Variants in VCF1 observed in about 807,000 individuals in gnomAD.
VCF1 encodes VCP nuclear cofactor family member 1, also known as protein VCF1.
the VCF1 span, among the ~76,000 whole-genome samples, chr17:73,221,706 T>C: frequency 1.3e-5 from 2 of 152,072 alleles, no homozygotes; most frequent in African/African-American, 4.8e-5. Flanking sequence ...CTGGACAACA[T>C]GAGGAGACCC....
the VCF1 span, among the ~76,000 whole-genome samples, chr17:73,216,480 C>T: frequency 6.6e-6 from 1 of 151,650 alleles, no homozygotes; most frequent in Non-Finnish European, 1.5e-5. Flanking sequence ...AGGTGACTGG[C>T]GGGAGGGAGA....
the VCF1 span, among the ~76,000 whole-genome samples, chr17:73,231,843 A>AG: frequency 2.0e-5 from 3 of 151,874 alleles, no homozygotes; most frequent in Non-Finnish European, 4.4e-5. Flanking sequence ...AGGAAAAGAC[A>AG]GGGGGGAAAA....
the VCF1 span, among the ~76,000 whole-genome samples, chr17:73,215,017 C>A: frequency 0.98 from 149,844 of 152,324 alleles, 73,743 homozygotes; most frequent in Middle Eastern, 1. Flanking sequence ...TGACACAATC[C>A]AAAGAGAATA....
At chr17:73,213,143 C>G in the VCF1 span, among the ~76,000 whole-genome samples, 3,853 of 151,772 alleles carry the variant, frequency 0.025, 177 homozygotes, top group African/African-American at 0.089. Context: ...GCTTGGGAGG[C>G]TGAGGCAGGA....
At chr17:73,217,276 C>A in the VCF1 span, among the ~76,000 whole-genome samples, 1 of 152,044 alleles carries the variant, frequency 6.6e-6, no homozygotes, top group African/African-American at 2.4e-5. Flanking sequence ...TCGCTTGAAC[C>A]CAGGAGATAG....
chr17:73,217,195 A>C, the VCF1 span, among the ~76,000 whole-genome samples: 1 of 151,920 alleles, frequency 6.6e-6, no homozygotes, highest in East Asian at 1.9e-4. Context: ...AAACAAAACA[A>C]AACAAAAATT....
At chr17:73,225,421 A>T in the VCF1 span, among the ~76,000 whole-genome samples, 1 of 152,110 alleles carries the variant, frequency 6.6e-6, no homozygotes, top group Non-Finnish European at 1.5e-5. Context: ...AGAAATGTTA[A>T]TTTTTTTAAA....
the VCF1 span, among the ~76,000 whole-genome samples, chr17:73,224,982 C>T: frequency 1.3e-3 from 195 of 150,424 alleles, no homozygotes; most frequent in Middle Eastern, 3.4e-3. Context: ...CAGCACAGCA[C>T]AGCACAGCAC....
At chr17:73,222,174 G>C in the VCF1 span, among the ~76,000 whole-genome samples, 3 of 146,678 alleles carry the variant, frequency 2.0e-5, no homozygotes, top group African/African-American at 5.1e-5. Context: ...CTCCTGCCTA[G>C]GCAACTGAGC....
the VCF1 span, among the ~76,000 whole-genome samples, chr17:73,219,355 A>C: frequency 2.0e-5 from 3 of 152,052 alleles, no homozygotes; most frequent in African/African-American, 7.2e-5. Flanking sequence ...TGGATCTTTT[A>C]AGAAATTAAT....
the VCF1 span, chr17:73,208,247 G>A: frequency 1.3e-4 from 208 of 1,609,468 alleles, 2 homozygotes; most frequent in South Asian, 1.8e-3. Flanking sequence ...GTGGCGTCGC[G>A]CGGAGGGCGA....
At chr17:73,216,232 C>T in the VCF1 span, among the ~76,000 whole-genome samples, 2 of 152,138 alleles carry the variant, frequency 1.3e-5, no homozygotes, top group Middle Eastern at 3.4e-3. Flanking sequence ...AAGGAGAACA[C>T]GCACCACCCC....
At chr17:73,229,517 T>C in the VCF1 span, 8 of 985,288 alleles carry the variant, frequency 8.1e-6, no homozygotes, top group Non-Finnish European at 8.4e-6. Context: ...CGTTGCATTA[T>C]TTCATTTCTC....
the VCF1 span, among the ~76,000 whole-genome samples, chr17:73,219,253 G>A: frequency 1.3e-5 from 2 of 149,550 alleles, no homozygotes; most frequent in African/African-American, 4.9e-5. Context: ...GCTGTGAATT[G>A]AGGTATTTAC....
At chr17:73,208,311 C>T in the VCF1 span, 4 of 1,613,348 alleles carry the variant, frequency 2.5e-6, no homozygotes, top group Non-Finnish European at 3.4e-6. Flanking sequence ...CATCCAATGG[C>T]AGGTTGTCCC....
chr17:73,209,817 A>AAG, the VCF1 span: 1 of 1,534,038 alleles, frequency 6.5e-7, no homozygotes, highest in African/African-American at 1.4e-5. Flanking sequence ...TGTTTTGTTT[A>AAG]AGAGCTTTAC....
chr17:73,212,579 G>A, the VCF1 span: 1 of 875,530 alleles, frequency 1.1e-6, no homozygotes, highest in South Asian at 1.8e-5. Context: ...TTCTACAAAG[G>A]CGTCTCCTAA....
chr17:73,223,083 C>T, the VCF1 span, among the ~76,000 whole-genome samples: 1 of 152,126 alleles, frequency 6.6e-6, no homozygotes, highest in Non-Finnish European at 1.5e-5. Context: ...TTTGGGAGGC[C>T]AAGGCAGGTA....
the VCF1 span, among the ~76,000 whole-genome samples, chr17:73,213,974 G>GA: frequency 2.7e-5 from 4 of 150,322 alleles, no homozygotes; most frequent in Non-Finnish European, 4.4e-5. Context: ...TGTTTCAAAA[G>GA]AAAAAAAAAG....
Sources: allele counts gnomAD v4.1 joint callset (sites outside exome capture counted in the v4.1 genomes callset), GRCh38; gene constraint gnomAD v4.1.1; transcripts MANE v1.5; gene names NCBI Gene and HGNC (gene_info 2026-07-23, HGNC 2026-07-21).